The following PRKG1 variants were observed in gnomAD, a reference collection of about 807,000 sequenced individuals.
The protein encoded by PRKG1 is protein kinase cGMP-dependent 1.
A neutral mutation model predicts 88.1 loss-of-function variants in PRKG1; 35 were observed. The ratio of observed to expected loss-of-function variants is 0.40; its 90% CI spans 0.30 to 0.53. The LOEUF (loss-of-function observed/expected upper bound fraction) is 0.53, where lower values mean the gene tolerates loss of function less well. PRKG1 is among the 20% of genes least tolerant of loss of function. PRKG1 has a pLI of 0.59. For synonymous variants in PRKG1, 303 were observed against 292.5 expected (o/e 1.04, Z -0.37); for missense variants, 540 against 839.8 (o/e 0.64, Z 4.41).
chr10:51,964,133 C>T (rs1349036877), intron 5 of PRKG1, among the ~76,000 whole-genome samples: 1 of 152,266 alleles, frequency 6.6e-6, no homozygotes, highest in Non-Finnish European at 1.5e-5. Flanking sequence ...CTTCCGTTGT[C>T]GTGTATCCTT....
intron 4 of PRKG1, among the ~76,000 whole-genome samples, chr10:51,817,356 C>CG (rs983496630): frequency 4.7e-5 from 7 of 148,828 alleles, no homozygotes; most frequent in Non-Finnish European, 9.0e-5. Context: ...AACCCCCCCC[C>CG]TCCCCTGACA....
At chr10:51,113,298 A>G (rs901186329) in intron 1 of PRKG1, among the ~76,000 whole-genome samples, 1 of 152,186 alleles carries the variant, frequency 6.6e-6, no homozygotes, top group African/African-American at 2.4e-5. Flanking sequence ...TGAATCTTCA[A>G]TCATGCCAAT....
chr10:51,720,650 G>A (rs1841991069), intron 3 of PRKG1, among the ~76,000 whole-genome samples: 1 of 152,118 alleles, frequency 6.6e-6, no homozygotes, highest in South Asian at 2.1e-4. Flanking sequence ...ATGTGCAACT[G>A]GGAAAGCCAG....
chr10:52,046,288 A>G (rs192677644), intron 5 of PRKG1, among the ~76,000 whole-genome samples: 2 of 152,244 alleles, frequency 1.3e-5, no homozygotes, highest in Admixed American at 6.5e-5. Context: ...TATGTAAAGT[A>G]CATGCACTCA....
At chr10:51,743,631 A>ATT (rs1181162908) in intron 3 of PRKG1, among the ~76,000 whole-genome samples, 62 of 62,754 alleles carry the variant, frequency 9.9e-4, no homozygotes, top group Middle Eastern at 7.1e-3. Flanking sequence ...TGTTTAATTT[A>ATT]TTTTATATAT....
At chr10:51,902,390 A>G (rs1003055210) in intron 4 of PRKG1, among the ~76,000 whole-genome samples, 1 of 152,180 alleles carries the variant, frequency 6.6e-6, no homozygotes, top group African/African-American at 2.4e-5. Flanking sequence ...TGCTGGGATT[A>G]CAGGTGTGAG....
chr10:52,089,089 A>T (rs559058120), intron 7 of PRKG1, among the ~76,000 whole-genome samples: 4 of 152,338 alleles, frequency 2.6e-5, no homozygotes, highest in Admixed American at 2.6e-4. Flanking sequence ...GCCTTACTAA[A>T]TAAGGAGATA....
At chr10:51,394,976 A>G (rs1428339055) in intron 2 of PRKG1, among the ~76,000 whole-genome samples, 2 of 152,050 alleles carry the variant, frequency 1.3e-5, no homozygotes, top group East Asian at 3.9e-4. Flanking sequence ...ATTCATCCTC[A>G]CTTTTATAAT....
At chr10:52,202,942 C>A (rs1306879658) in intron 9 of PRKG1, among the ~76,000 whole-genome samples, 1 of 151,828 alleles carries the variant, frequency 6.6e-6, no homozygotes, top group Non-Finnish European at 1.5e-5. Flanking sequence ...GTCTATCATT[C>A]TTATTTATTC....
chr10:51,215,047 T>C (rs1356754782), intron 2 of PRKG1, among the ~76,000 whole-genome samples: 2 of 152,130 alleles, frequency 1.3e-5, no homozygotes, highest in African/African-American at 4.8e-5. Flanking sequence ...GGCGGCTAAC[T>C]TCAAAAGGTC....
chr10:51,602,767 T>C (rs1385985656), intron 3 of PRKG1, among the ~76,000 whole-genome samples: 2 of 133,514 alleles, frequency 1.5e-5, no homozygotes, highest in African/African-American at 7.1e-5. Flanking sequence ...TGTGTGTGTG[T>C]GTGTGTGTGT....
chr10:51,365,250 C>T (rs1232978300), intron 2 of PRKG1, among the ~76,000 whole-genome samples: 1 of 151,920 alleles, frequency 6.6e-6, no homozygotes. Context: ...CACCACTCAT[C>T]ATCATTAACA....
intron 3 of PRKG1, among the ~76,000 whole-genome samples, chr10:51,715,754 G>A (rs909776517): frequency 1.3e-5 from 2 of 152,026 alleles, no homozygotes; most frequent in African/African-American, 4.8e-5. Context: ...TGATGTAAAC[G>A]GCCCTGATAT....
At chr10:51,391,507 T>TATTCA (rs767640623) in intron 2 of PRKG1, among the ~76,000 whole-genome samples, 3 of 152,232 alleles carry the variant, frequency 2.0e-5, no homozygotes, top group Non-Finnish European at 4.4e-5. Flanking sequence ...TAGGAGAGAA[T>TATTCA]ATTCACACTT....
intron 8 of PRKG1, among the ~76,000 whole-genome samples, chr10:52,136,845 G>A (rs1207677335): frequency 2.0e-5 from 3 of 151,908 alleles, no homozygotes; most frequent in Non-Finnish European, 2.9e-5. Flanking sequence ...GGTTATATAC[G>A]GAGAAGAAAC....
chr10:51,930,301 G>C (rs749028877), intron 5 of PRKG1, among the ~76,000 whole-genome samples: 49 of 152,158 alleles, frequency 3.2e-4, no homozygotes, highest in Middle Eastern at 3.4e-3. Context: ...AAGAGTTATG[G>C]AGCTGAATGA....
At chr10:51,197,728 G>C (rs1283655365) in intron 2 of PRKG1, among the ~76,000 whole-genome samples, 1 of 151,764 alleles carries the variant, frequency 6.6e-6, no homozygotes, top group Non-Finnish European at 1.5e-5. Flanking sequence ...CTTTTAGCCA[G>C]GGTCAAATTA....
intron 8 of PRKG1, among the ~76,000 whole-genome samples, chr10:52,141,419 G>C (rs892852250): frequency 9.9e-5 from 15 of 152,210 alleles, no homozygotes; most frequent in African/African-American, 3.4e-4. Flanking sequence ...CCTATTTCAA[G>C]TCCTTATAGC....
intron 3 of PRKG1, among the ~76,000 whole-genome samples, chr10:51,584,957 A>G (rs535745993): frequency 3.3e-5 from 5 of 152,230 alleles, no homozygotes; most frequent in African/African-American, 1.2e-4. Context: ...GTTTCTTTTC[A>G]TTAGTTTCCT....
Sources: gnomAD v4.1 joint callset for allele counts (sites outside exome capture counted in the v4.1 genomes callset) on GRCh38, gnomAD v4.1.1 for gene constraint, MANE v1.5 for transcripts, NCBI Gene and HGNC (gene_info 2026-07-23, HGNC 2026-07-21) for gene names.